Variants in CA5A observed in about 807,000 individuals in gnomAD.
The protein encoded by CA5A is carbonic anhydrase 5A.
Under a neutral mutation model 37.1 loss-of-function variants are expected in CA5A, and 28 were observed. The ratio of observed to expected loss-of-function variants is 0.75; its 90% CI spans 0.56 to 1.03. CA5A has a LOEUF of 1.03. Among genes scored for constraint, CA5A ranks in the 50% least tolerant of loss-of-function variants. The probability of loss-of-function intolerance (pLI) is 0.00; values close to 1 mark genes in which losing one functional copy is unlikely to be tolerated. For synonymous variants in CA5A, 171 were observed against 158.4 expected, an observed-to-expected ratio of 1.08 and a Z score of -0.60; for missense variants, 444 against 399.9, an observed-to-expected ratio of 1.11 and a Z score of -0.94.
intron 1 of CA5A, among the ~76,000 whole-genome samples, chr16:87,934,509 G>A (rs996963562): frequency 3.1e-4 from 47 of 152,168 alleles, no homozygotes; most frequent in Admixed American, 2.2e-3. Context: ...TGGGGGTTGC[G>A]GTGAGCTGGA....
chr16:87,893,176 G>A, intron 5 of CA5A: 1 of 423,954 alleles, frequency 2.4e-6, no homozygotes, highest in East Asian at 4.0e-5. Context: ...TCTCCAGGCT[G>A]GAGTGCAGTG....
intron 2 of CA5A, among the ~76,000 whole-genome samples, chr16:87,926,350 TAG>T (rs1187629812): frequency 1.3e-5 from 2 of 152,208 alleles, no homozygotes; most frequent in Non-Finnish European, 2.9e-5. Flanking sequence ...GGCCTCTGCC[TAG>T]ATGATCAAGG....
At chr16:87,918,663 C>T (rs977167935) in intron 2 of CA5A, among the ~76,000 whole-genome samples, 10 of 152,196 alleles carry the variant, frequency 6.6e-5, no homozygotes, top group Admixed American at 3.9e-4. Flanking sequence ...GCACCTTGTC[C>T]GCTCCCTTCC....
At chr16:87,908,989 ATTTTT>A (rs60201296) in intron 2 of CA5A, among the ~76,000 whole-genome samples, 1 of 139,360 alleles carries the variant, frequency 7.2e-6, no homozygotes, top group African/African-American at 2.7e-5. Flanking sequence ...ACACCCGGCT[ATTTTT>A]TTTTTTTTTT....
intron 2 of CA5A, among the ~76,000 whole-genome samples, chr16:87,905,736 C>A (rs1472025826): frequency 6.6e-6 from 1 of 152,180 alleles, no homozygotes; most frequent in Non-Finnish European, 1.5e-5. Flanking sequence ...TAATCTAGGC[C>A]CACCACAGGG....
chr16:87,908,385 T>C (rs574588302), intron 2 of CA5A, among the ~76,000 whole-genome samples: 20 of 152,250 alleles, frequency 1.3e-4, no homozygotes, highest in African/African-American at 3.6e-4. Flanking sequence ...GTGGTGGTGA[T>C]TGCGCATCGC....
chr16:87,882,451 T>C (rs2055615728), intron 4 of CA5A: 1 of 152,256 alleles, frequency 6.6e-6, no homozygotes. Context: ...TGAGCCTCAG[T>C]TTCCTTATTA....
At chr16:87,934,355 G>A (rs1385758782) in intron 1 of CA5A, among the ~76,000 whole-genome samples, 2 of 152,110 alleles carry the variant, frequency 1.3e-5, no homozygotes, top group African/African-American at 4.8e-5. Context: ...GATCACCTGA[G>A]GCTGGGAGTT....
chr16:87,888,366 C>G (rs2055667810), intron 6 of CA5A, 94 bp from the exon 7 acceptor site: 1 of 1,122,964 alleles, frequency 8.9e-7, no homozygotes, highest in African/African-American at 1.5e-5. Flanking sequence ...CCCTCCCATG[C>G]TGAATCAGGA....
chr16:87,926,935 G>C lies in CA5A; in HGVS notation c.153C>G (p.Leu51=). 6.3e-7 allele frequency: 1 copy of C among 1,578,592 alleles called. No homozygotes were observed. The highest frequency in any genetic ancestry group is 8.6e-7 in the Non-Finnish European group (1 of 1,160,774). Residue 51 remains leucine (L), a synonymous_variant, in exon 2 of 7, where the codon CTC becomes CTG. Transcript: ENST00000649794. ...CTGGCACGGAGACCGGGACCGTCCA[G>C]AGTGGGTGCACTGCAGGGAGAGAGA... ...WQTSNNTLHP[L]WTVPVSVPGG...
Position 87,928,804 on chromosome 16 carries a change from G to A in CA5A, c.143-1859C>T, listed in dbSNP as rs145708442. ...TTTTTTTTGAGACGGAGTCTCACTC[G>A]GTCGCCCAGGCTGCAGTGCAGTGGT... On this transcript the variant is annotated intron_variant, in intron 1 of 6. Transcript: ENST00000649794. Among the ~76,000 whole-genome samples the A allele has an allele frequency of 7.8e-3, 942 of 120,770 alleles. 16 individuals are homozygous for A. Among genetic ancestry groups the A allele is most frequent in the African/African-American group, 0.029 (912 of 31,392 alleles). 79.2% of individuals were successfully genotyped at this position (120,770 alleles called of 152,430 possible).
chr16:87,910,885 G>T (rs2056040558), intron 2 of CA5A, among the ~76,000 whole-genome samples: 1 of 151,980 alleles, frequency 6.6e-6, no homozygotes, highest in Non-Finnish European at 1.5e-5. Context: ...GAGTAGCTGG[G>T]ATTATAGGCA....
chr16:87,899,711 G>C (rs1209985865), intron 5 of CA5A, among the ~76,000 whole-genome samples: 1 of 150,460 alleles, frequency 6.6e-6, no homozygotes, highest in African/African-American at 2.4e-5. Context: ...CTTGAGGTCA[G>C]GAGTTTGACA....
At chr16:87,894,887 C>A (rs1267669046) in intron 5 of CA5A, among the ~76,000 whole-genome samples, 1 of 151,840 alleles carries the variant, frequency 6.6e-6, no homozygotes, top group African/African-American at 2.4e-5. Context: ...TCTCAAACAA[C>A]AGCAGCAGCA....
intron 2 of CA5A, among the ~76,000 whole-genome samples, chr16:87,922,121 G>A (rs1488753136): frequency 2.0e-5 from 3 of 152,050 alleles, no homozygotes; most frequent in African/African-American, 7.2e-5. Context: ...GGTGTGAGCC[G>A]CCGGGCCGAC....
chr16:87,924,182 A>G, intron 2 of CA5A: 1 of 985,404 alleles, frequency 1.0e-6, no homozygotes, highest in Non-Finnish European at 1.2e-6. Context: ...TGTCCTTCCA[A>G]GAAGTTGCAC....
At chr16:87,914,400 A>G (rs2056099124) in intron 2 of CA5A, among the ~76,000 whole-genome samples, 1 of 152,194 alleles carries the variant, frequency 6.6e-6, no homozygotes. Context: ...CATATTGACC[A>G]AAACACTCAG....
At chr16:87,915,789 T>C (rs1209020720) in intron 2 of CA5A, among the ~76,000 whole-genome samples, 2 of 151,852 alleles carry the variant, frequency 1.3e-5, no homozygotes, top group South Asian at 2.1e-4. Flanking sequence ...TGTAACTTTC[T>C]GGCCCCTTCC....
chr16:87,929,871 CAA>C (rs58941982), intron 1 of CA5A, among the ~76,000 whole-genome samples: 21 of 62,330 alleles, frequency 3.4e-4, no homozygotes, highest in African/African-American at 1.0e-3. Context: ...GACTCCGTCT[CAA>C]AAAAAAAAAA....
Sources: gnomAD v4.1 joint callset for allele counts (sites outside exome capture counted in the v4.1 genomes callset) on GRCh38, gnomAD v4.1.1 for gene constraint, MANE v1.5 for transcripts, NCBI Gene and HGNC (gene_info 2026-07-23, HGNC 2026-07-21) for gene names.